Variants in LTBP1 observed in about 807,000 individuals in gnomAD.
LTBP1 encodes the protein latent transforming growth factor beta binding protein 1, also known as latent-transforming growth factor beta-binding protein 1.
In LTBP1, 129 loss-of-function variants were observed where a neutral mutation model predicts 207.6. The observed-to-expected ratio is 0.62, with a 90% CI of 0.54 to 0.72. The LOEUF is 0.72. LTBP1 is among the 30% of genes least tolerant of loss of function. LTBP1 has a pLI of 0.00. For missense variants in LTBP1, 2,281 were observed against 2,217.2 expected (o/e 1.03, Z -0.58); for synonymous variants, 963 against 833.7 (o/e 1.16, Z -2.67).
At chr2:33,158,083 C>G (rs2084128132) in intron 5 of LTBP1, among the ~76,000 whole-genome samples, 1 of 145,878 alleles carries the variant, frequency 6.9e-6, no homozygotes, top group East Asian at 2.1e-4. Context: ...TTGCAGCAAG[C>G]CAAGATTGTG....
At chr2:33,297,358 C>T (rs2093897410) in intron 20 of LTBP1, among the ~76,000 whole-genome samples, 1 of 152,070 alleles carries the variant, frequency 6.6e-6, no homozygotes, top group South Asian at 2.1e-4. Context: ...TGAGAAAGCT[C>T]ACACAGCTTC....
chr2:33,203,895 T>A (rs1416237367), intron 7 of LTBP1, among the ~76,000 whole-genome samples: 1 of 152,186 alleles, frequency 6.6e-6, no homozygotes, highest in African/African-American at 2.4e-5. Context: ...GGAAATAGTT[T>A]TAAGAGACGA....
intron 2 of LTBP1, among the ~76,000 whole-genome samples, chr2:32,994,724 C>T (rs1004324847): frequency 6.6e-6 from 1 of 152,190 alleles, no homozygotes; most frequent in Non-Finnish European, 1.5e-5. Flanking sequence ...ACCTCGCCCT[C>T]CCAAAGTGCT....
rs1409485935 is a variant in LTBP1, at chr2:33,182,726, A to T, written c.1202-4130A>T. Among the ~76,000 whole-genome samples the T allele has an allele frequency of 3.6e-5, 4 of 111,972 alleles. No individual in the cohort carries two copies. The East Asian group carries it at 9.3e-4, about 26-fold the overall frequency. The allele number at this position is 111,972 out of a possible 152,430, so 73.5% of individuals were successfully genotyped here. A position where few individuals can be genotyped will look rare whatever the true frequency, so the allele number is the denominator to read the frequency against. On this transcript the variant is annotated intron_variant, in intron 5 of 33. Coordinates refer to ENST00000404816, the MANE Select transcript of LTBP1 (RefSeq NM_206943.4). ...CACACACACACACACACACACACAC[A>T]CACACACACAGACATATATATGTAT...
intron 24 of LTBP1, among the ~76,000 whole-genome samples, chr2:33,335,864 C>T (rs913227857): frequency 6.6e-6 from 1 of 152,086 alleles, no homozygotes; most frequent in Admixed American, 6.5e-5. Flanking sequence ...GATTCTGGCA[C>T]CAAATACTTA....
intron 19 of LTBP1, 110 bp downstream of exon 19, chr2:33,280,268 CT>C: frequency 8.8e-7 from 1 of 1,132,720 alleles, no homozygotes; most frequent in Non-Finnish European, 1.2e-6. Context: ...AAAATGAAAT[CT>C]TACATCATTC....
At chr2:33,042,942 AAC>A (rs1558553162) in intron 3 of LTBP1, among the ~76,000 whole-genome samples, 1 of 152,160 alleles carries the variant, frequency 6.6e-6, no homozygotes, top group Non-Finnish European at 1.5e-5. Context: ...TGGGAAAAAA[AAC>A]AGCCAGGCCT....
intron 18 of LTBP1, among the ~76,000 whole-genome samples, chr2:33,277,810 T>TC (rs1491123330): frequency 7.5e-5 from 8 of 106,686 alleles, no homozygotes; most frequent in African/African-American, 2.8e-4. Context: ...TCTCTCTTTC[T>TC]TTTTTTCTTT....
intron 31 of LTBP1, among the ~76,000 whole-genome samples, chr2:33,380,069 A>T (rs1380845866): frequency 1.3e-5 from 2 of 152,254 alleles, no homozygotes; most frequent in African/African-American, 4.8e-5. Flanking sequence ...AAATTTCTGT[A>T]AACTTCAGTT....
At chr2:33,011,283 G>C (rs1687642099) in intron 2 of LTBP1, among the ~76,000 whole-genome samples, 1 of 152,074 alleles carries the variant, frequency 6.6e-6, no homozygotes, top group Admixed American at 6.5e-5. Context: ...GAATTGACTA[G>C]AACATCCAGA....
chr2:33,383,889 G>GA (rs1395353015), intron 31 of LTBP1, among the ~76,000 whole-genome samples: 2 of 152,152 alleles, frequency 1.3e-5, no homozygotes, highest in African/African-American at 4.8e-5. Flanking sequence ...TCTTATATTT[G>GA]AAAATAACAC....
At chr2:33,396,130 C>A (rs533793181) in intron 32 of LTBP1, among the ~76,000 whole-genome samples, 1 of 151,776 alleles carries the variant, frequency 6.6e-6, no homozygotes, top group Non-Finnish European at 1.5e-5. Context: ...TAAAAAGAGC[C>A]AAACAAGAGT....
intron 3 of LTBP1, among the ~76,000 whole-genome samples, chr2:33,075,500 G>C (rs568506074): frequency 1.3e-5 from 2 of 152,196 alleles, no homozygotes; most frequent in South Asian, 4.2e-4. Context: ...CCATCTATTT[G>C]TTGGTCCTAT....
Position 33,346,868 on chromosome 2 carries a change from G to A in LTBP1, c.3857-499G>A, listed in dbSNP as rs1256743974. 2.6e-5 allele frequency among the ~76,000 whole-genome samples: 4 copies of A among 152,256 alleles called. No homozygotes were observed. In the East Asian group the frequency reaches 7.7e-4, roughly 29 times the overall value. ...GCAGTGGCTCGCGCCTGTAATCCCA[G>A]CACTTTTGGAGGCCGAGGTGGGCGG... On this transcript the variant is annotated intron_variant, in intron 25 of 33. Coordinates refer to ENST00000404816, the MANE Select transcript of LTBP1 (RefSeq NM_206943.4).
chr2:33,000,373 G>A (rs1685920264), intron 2 of LTBP1, among the ~76,000 whole-genome samples: 1 of 135,150 alleles, frequency 7.4e-6, no homozygotes, highest in Admixed American at 7.6e-5. Context: ...TGTCTGTGAG[G>A]GACATCTGAG....
intron 7 of LTBP1, among the ~76,000 whole-genome samples, chr2:33,208,350 A>G (rs1224691645): frequency 6.6e-6 from 1 of 152,198 alleles, no homozygotes; most frequent in Non-Finnish European, 1.5e-5. Flanking sequence ...GATCTTGCCT[A>G]TTGATAATTA....
In LTBP1 at chr2:33,056,381, G is replaced by A. The variant is rs377057438; in HGVS notation, c.863+35175G>A. ...TTTCGGTTTTCTTTGGTAACAGAAT[G>A]GCCTGGATGTTAGGCAAAATGCCGC... On this transcript the variant is annotated intron_variant, in intron 3 of 33. Coordinates refer to ENST00000404816, the MANE Select transcript of LTBP1 (RefSeq NM_206943.4). 2.7e-4 allele frequency: 339 copies of A among 1,260,724 alleles called. 2 individuals are homozygous for A. In the East Asian group the frequency reaches 4.5e-3, roughly 17 times the overall value. 78.1% of individuals were successfully genotyped at this position (1,260,724 alleles called of 1,614,324 possible). A position where few individuals can be genotyped will look rare whatever the true frequency, so the allele number is the denominator to read the frequency against.
At chr2:33,125,308 G>A (rs1375698306) in intron 4 of LTBP1, among the ~76,000 whole-genome samples, 1 of 152,180 alleles carries the variant, frequency 6.6e-6, no homozygotes, top group Non-Finnish European at 1.5e-5. Context: ...CTGGCAGAAT[G>A]GATATGACTG....
At chr2:33,365,256 A>G in intron 30 of LTBP1, 77 bp from the exon 31 acceptor site, 1 of 1,287,828 alleles carries the variant, frequency 7.8e-7, no homozygotes, top group Non-Finnish European at 1.1e-6. Flanking sequence ...AAACTTTGAG[A>G]CTTGCTGGCT....
Sources: gnomAD v4.1 joint callset for allele counts (sites outside exome capture counted in the v4.1 genomes callset) on GRCh38, gnomAD v4.1.1 for gene constraint, MANE v1.5 for transcripts, NCBI Gene and HGNC (gene_info 2026-07-23, HGNC 2026-07-21) for gene names.